FAM3A: variants seen among roughly 807,000 people sequenced by gnomAD.
The protein encoded by FAM3A is FAM3 metabolism regulating signaling molecule A.
A neutral mutation model predicts 18.1 loss-of-function variants in FAM3A; 5 were observed. That is an observed-to-expected ratio of 0.28 (90% CI 0.14 to 0.58). The LOEUF (loss-of-function observed/expected upper bound fraction) is 0.58. Ranked by LOEUF, FAM3A falls within the 20% of genes least tolerant of loss-of-function variation. FAM3A has a pLI of 0.91. For synonymous variants in FAM3A, 108 were observed against 90.2 expected (o/e 1.20, Z -1.12); for missense variants, 154 against 216.6 (o/e 0.71, Z 1.81).
rs1386736418 is a variant in FAM3A, at chrX:154,507,267, G to T, written c.533C>A (p.Ala178Asp). The T allele has an allele frequency of 1.7e-6, 2 of 1,209,655 alleles. No homozygotes were observed. The highest frequency in any genetic ancestry group is 2.2e-6 in the Non-Finnish European group (2 of 894,890). Residue 178 changes from alanine to aspartate, a missense_variant, in exon 8 of 9, where the codon GCC becomes GAC. By Grantham distance (126) the Ala-to-Asp change is moderately radical (BLOSUM62 -2). Transcript: ENST00000447601. ...ELGSRNAKELAFRDSWVFVGA... is the reference protein window; with the variant it reads ...ELGSRNAKELDFRDSWVFVGA... ...GACAAACACCCAGCTGTCCCGGAAG[G>T]CCAGCTCCTTGGCGTTCCTGCTGCC...
At chrX:154,507,685 G>C in intron 6 of FAM3A, 126 bp downstream of exon 6, 1 of 866,780 alleles carries the variant, frequency 1.2e-6, no homozygotes, top group South Asian at 2.2e-5. Flanking sequence ...CGATGCCCCT[G>C]TCCTTTCTGA....
chrX:154,508,873 A>C (rs2069714785), intron 3 of FAM3A: 2 of 441,295 alleles, frequency 4.5e-6, no homozygotes, highest in Non-Finnish European at 8.6e-6. Flanking sequence ...CCAGGAACAA[A>C]GCAGGGGTGA....
At chrX:154,507,535 G>A (rs782515744) in intron 6 of FAM3A, 45 bp from the exon 7 acceptor site, 6 of 1,133,490 alleles carry the variant, frequency 5.3e-6, no homozygotes, top group Non-Finnish European at 3.6e-6. Context: ...AGGCACCACT[G>A]AGCACCCTCC....
rs1557218788 is a variant in FAM3A at position 154,506,894 on chromosome X, T to C, written c.610A>G (p.Ser204Gly). 1 of 1,210,420 alleles carries C rather than the reference T, an allele frequency of 8.3e-7. No homozygotes were observed. Among genetic ancestry groups the C allele is most frequent in the African/African-American group, 1.7e-5 (1 of 57,975 alleles). ...KSPFEQHVKN[S>G]KHSNKYEGWP... ...CCTTCGTACTTGTTGCTGTGCTTACTGTTCTTCACGTGCTGTGGGGAGGGG... is the reference window on the plus strand; with the variant it reads ...CCTTCGTACTTGTTGCTGTGCTTACCGTTCTTCACGTGCTGTGGGGAGGGG... Residue 204 changes from serine to glycine, a missense_variant, in exon 9 of 9, where the codon AGT becomes GGT. Transcript: ENST00000447601.
intron 1 of FAM3A, among the ~76,000 whole-genome samples, chrX:154,514,320 T>A (rs1401033376): frequency 4.5e-5 from 5 of 111,628 alleles, no homozygotes; most frequent in African/African-American, 1.6e-4. Flanking sequence ...GTCGGCTCAC[T>A]GCAACCTCCG....
At chrX:154,509,978 G>A (rs781855412) in intron 3 of FAM3A, 4 of 112,664 alleles carry the variant, frequency 3.6e-5, no homozygotes, top group Non-Finnish European at 5.6e-5. Context: ...AGGTAATTCT[G>A]GTGAGAGGAG....
intron 1 of FAM3A, among the ~76,000 whole-genome samples, chrX:154,515,200 T>C (rs2070135054): frequency 8.9e-6 from 1 of 112,127 alleles, no homozygotes; most frequent in Non-Finnish European, 1.9e-5. Flanking sequence ...TATTTTCTAG[T>C]TCCAGCCGTG....
At chrX:154,513,002 A>C (rs782306026) in intron 1 of FAM3A, 66 bp from the exon 2 acceptor site, 42 of 728,361 alleles carry the variant, frequency 5.8e-5, no homozygotes, top group Middle Eastern at 3.0e-4. Flanking sequence ...ATGACCCCAT[A>C]GCCTTGCATG....
At position 154,506,835 on chromosome X, in the gene FAM3A, G is replaced by A. The variant is rs1557218678; in HGVS notation, c.669C>T (p.Ile223=). ...WPEALEMEGC[I]PRRSTAS The stretch of plus-strand genomic sequence containing the variant: ...GCTAGCTGGCCGTGCTTCTCCGCGG[G>A]ATACAGCCTTCCATCTCCAGCGCCT... The change falls in exon 9 of 9, where the codon ATC becomes ATT. Residue 223 remains isoleucine, a synonymous_variant. Transcript: ENST00000447601. 2 of 1,211,413 alleles carry A rather than the reference G, an allele frequency of 1.7e-6. No homozygotes were observed. Among genetic ancestry groups the A allele is most frequent in the Admixed American group, 4.3e-5 (2 of 46,103 alleles).
chrX:154,507,323 A>G lies in FAM3A; in HGVS notation c.477T>C (p.Asn159=), dbSNP rs376059431. ...CACTGAAGAGCTTTCTGGTCTCTTC[A>G]TTCATCCTGCAGCATGGGAGGAAGG... ...ASYDDPATKM[N]EETRKLFSEL... is the part of the protein sequence containing the mutation. The change falls in exon 8 of 9, where the codon AAT becomes AAC. Residue 159 remains asparagine (N), a synonymous_variant. Transcript: ENST00000447601. The G allele has an allele frequency of 1.3e-5, 16 of 1,210,333 alleles. No individual in the cohort carries two copies. In the African/African-American group the frequency reaches 2.6e-4, roughly 20 times the overall value.
In FAM3A at chrX:154,507,387, G is replaced by A. The variant is rs373269950; in HGVS notation, c.470+19C>T. On this transcript the variant is annotated intron_variant, in intron 7 of 8. Coordinates refer to ENST00000447601, the MANE Select transcript of FAM3A (RefSeq NM_021806.4). The stretch of plus-strand genomic sequence containing the variant: ...GCTGCAGAAGGGCAAGGCTGAGGCT[G>A]GCCTCCCCAAGCACCTACTTGGTGG... 2.3e-4 allele frequency: 278 copies of A among 1,209,922 alleles called. No individual in the cohort carries two copies. The highest frequency in any genetic ancestry group is 2.7e-4 in the Non-Finnish European group (238 of 894,917).
chrX:154,506,284 G>C lies in FAM3A; in HGVS notation c.*527C>G, dbSNP rs1410605016. The C allele has an allele frequency of 8.9e-6, 1 of 112,906 alleles. No homozygotes were observed. The highest frequency in any genetic ancestry group is 2.8e-4 in the East Asian group (1 of 3,573). 9.3% of individuals were successfully genotyped at this position (112,906 alleles called of 1,213,427 possible). On this transcript the variant is annotated 3_prime_UTR_variant, in exon 9 of 9. Coordinates refer to ENST00000447601, the MANE Select transcript of FAM3A (RefSeq NM_021806.4). ...CACCACCCCGGGCCAGCCTGCTCCA[G>C]GGGTCCCTTCCTGCTGAGAGCAGGC...
intron 1 of FAM3A, among the ~76,000 whole-genome samples, chrX:154,515,038 T>G (rs782377542): frequency 9.1e-5 from 10 of 109,706 alleles, no homozygotes; most frequent in Non-Finnish European, 1.9e-4. Context: ...CAGGCTGGTC[T>G]CGAACTCCTG....
At position 154,516,104 on chromosome X, in the gene FAM3A, C is replaced by T. The variant is rs2070179156; in HGVS notation, c.-332G>A. 4 of 213,355 alleles carry T rather than the reference C, an allele frequency of 1.9e-5. No homozygotes were observed. The highest frequency in any genetic ancestry group is 1.7e-5 in the Non-Finnish European group (2 of 116,803). 17.6% of individuals were successfully genotyped at this position (213,355 alleles called of 1,213,427 possible). ...TGGGGGCTGGCGATGCGGGCCGGGC[C>T]GGAGATTTCTCTGGCCGTGGGGAGA... On this transcript the variant is annotated 5_prime_UTR_variant, in exon 1 of 9. Coordinates refer to ENST00000447601, the MANE Select transcript of FAM3A (RefSeq NM_021806.4).
In FAM3A at chrX:154,506,912, G is replaced by C. The variant is rs782360723; in HGVS notation, c.598-6C>G. The C allele has an allele frequency of 3.3e-6, 4 of 1,199,914 alleles. No homozygotes were observed. The African/African-American group carries it at 5.2e-5, about 16-fold the overall frequency. ...TGCTTACTGTTCTTCACGTGCTGTG[G>C]GGAGGGGAGCAGAAAGTCATGACTT... On this transcript the variant is annotated splice_region_variant and splice_polypyrimidine_tract_variant and intron_variant, in intron 8 of 8. Coordinates refer to ENST00000447601, the MANE Select transcript of FAM3A (RefSeq NM_021806.4).
At chrX:154,511,539 G>C (rs2069870786) in intron 3 of FAM3A, 1 of 302,269 alleles carries the variant, frequency 3.3e-6, no homozygotes, top group Non-Finnish European at 5.9e-6. Context: ...ATTCCCCTCA[G>C]GCCTTGAAAC....
Position 154,508,540 on chromosome X carries a change from A to C in FAM3A, c.209T>G (p.Leu70Arg). ...GLPQPCPEEH[L>R]AFRVVSGAAN... is the part of the protein sequence containing the mutation. ...GGCCCCGCTGACCACGCGGAAGGCC[A>C]GGTGCTCCTCAGGACACGGCTGGGG... Residue 70 changes from leucine to arginine, a missense_variant, in exon 4 of 9, where the codon CTG (leucine) becomes CGG (arginine). Leu to Arg is a moderately radical substitution (Grantham distance 102, BLOSUM62 -2). Transcript: ENST00000447601. 8.3e-7 allele frequency: 1 copy of C among 1,204,925 alleles called. No individual in the cohort carries two copies. The highest frequency in any genetic ancestry group is 1.1e-6 in the Non-Finnish European group (1 of 891,871).
In FAM3A at chrX:154,515,809, T is replaced by A; in HGVS notation, c.-37A>T. On this transcript the variant is annotated 5_prime_UTR_variant, in exon 1 of 9. Coordinates refer to ENST00000447601, the MANE Select transcript of FAM3A (RefSeq NM_021806.4). ...CTGCTGGGTTGGGACCGCCGGCAAG[T>A]GCACTGTTTGGGGGCAAAGCGGAAG... The A allele has an allele frequency of 8.3e-7, 1 of 1,205,476 alleles. No individual in the cohort carries two copies.
Position 154,507,863 on chromosome X carries a change from T to C in FAM3A, c.335-2A>G. On this transcript the variant is annotated splice_acceptor_variant, in intron 5 of 8. Transcript: ENST00000447601. LOFTEE classifies it high-confidence loss of function. ...CCTCGATGAGCTCGCCGCTGACCCC[T>C]GTGTCAGGAGGGAGGGGCCCTGCTG... The C allele has an allele frequency of 1.7e-6, 2 of 1,190,036 alleles. No individual in the cohort carries two copies. The highest frequency in any genetic ancestry group is 2.3e-6 in the Non-Finnish European group (2 of 884,285).
Sources: gnomAD v4.1 joint callset for allele counts (sites outside exome capture counted in the v4.1 genomes callset) on GRCh38, gnomAD v4.1.1 for gene constraint, MANE v1.5 for transcripts, NCBI Gene and HGNC (gene_info 2026-07-23, HGNC 2026-07-21) for gene names.